ARHGAP15: variants seen among roughly 807,000 people sequenced by gnomAD.
ARHGAP15 encodes the protein rho GTPase-activating protein 15.
Under a neutral mutation model 63.7 loss-of-function variants are expected in ARHGAP15, and 51 were observed. The ratio of observed to expected loss-of-function variants is 0.80; its 90% CI spans 0.64 to 1.01. The LOEUF is 1.01. ARHGAP15 is among the 50% of genes least tolerant of loss of function. The pLI, the probability that ARHGAP15 is intolerant of heterozygous loss-of-function variation, is 0.00. For synonymous variants in ARHGAP15, 191 were observed against 193.8 expected (o/e 0.99, Z 0.12); for missense variants, 560 against 564.6 (o/e 0.99, Z 0.08).
intron 6 of ARHGAP15, among the ~76,000 whole-genome samples, chr2:143,327,922 C>A (rs10460253): frequency 7.7e-6 from 1 of 129,324 alleles, no homozygotes. Context: ...AAAAAAAAAT[C>A]CAAAAAGTGA....
In ARHGAP15 at chr2:143,265,476, CAT is replaced by C. The variant is rs576770695; in HGVS notation, c.474+14879_474+14880del. On this transcript the variant is annotated intron_variant, in intron 6 of 13. Transcript: ENST00000295095. The stretch of plus-strand genomic sequence containing the variant: ...AATTACCTGAGAAAATTGTATTTGA[CAT>C]ATTTTTATTGCAAATGGTATTTTGC... 3.9e-5 allele frequency among the ~76,000 whole-genome samples: 6 copies of C among 152,190 alleles called. No individual in the cohort carries two copies. The South Asian group carries it at 1.0e-3, about 26-fold the overall frequency.
intron 9 of ARHGAP15, among the ~76,000 whole-genome samples, chr2:143,502,569 TTTGTTG>T (rs565245923): frequency 3.3e-5 from 5 of 150,438 alleles, no homozygotes; most frequent in Admixed American, 1.3e-4. Context: ...TGTGGATCGT[TTTGTTG>T]TTGTTGTTGT....
At chr2:143,703,886 C>G (rs1684204798) in intron 13 of ARHGAP15, 1 of 164,538 alleles carries the variant, frequency 6.1e-6, no homozygotes, top group Non-Finnish European at 1.3e-5. Context: ...CACCATGTAC[C>G]ACGTGCTGGG....
rs987474248 is a variant in ARHGAP15, at chr2:143,444,680, A to G, written c.703+7638A>G. The stretch of plus-strand genomic sequence containing the variant: ...ATAGGCCTAATAACATGCTTGGGGG[A>G]AAAAAAAAATCCGTTGTTAACACAT... On this transcript the variant is annotated intron_variant, in intron 8 of 13. Transcript: ENST00000295095. Among the ~76,000 whole-genome samples, 9 of 148,926 alleles carry G rather than the reference A, an allele frequency of 6.0e-5. No individual in the cohort carries two copies. The South Asian group carries it at 8.5e-4, about 14-fold the overall frequency.
At chr2:143,191,650 A>G (rs954108660) in intron 2 of ARHGAP15, among the ~76,000 whole-genome samples, 1 of 152,214 alleles carries the variant, frequency 6.6e-6, no homozygotes, top group Non-Finnish European at 1.5e-5. Context: ...GAGAGAAATG[A>G]TTTATCAGGG....
intron 9 of ARHGAP15, among the ~76,000 whole-genome samples, chr2:143,493,014 C>T (rs561693271): frequency 6.6e-5 from 10 of 151,926 alleles, no homozygotes; most frequent in Non-Finnish European, 1.5e-4. Context: ...GCCGAGAATA[C>T]GCCACTGCAC....
At chr2:143,621,423 A>G (rs758913470) in intron 11 of ARHGAP15, among the ~76,000 whole-genome samples, 2 of 152,220 alleles carry the variant, frequency 1.3e-5, no homozygotes, top group Non-Finnish European at 2.9e-5. Flanking sequence ...GAGAAGGCAT[A>G]CTATATGGAC....
At chr2:143,745,073 T>G (rs1393891276) in intron 13 of ARHGAP15, among the ~76,000 whole-genome samples, 1 of 152,190 alleles carries the variant, frequency 6.6e-6, no homozygotes, top group Non-Finnish European at 1.5e-5. Context: ...CTCTATTCCT[T>G]TAAATTTTCC....
chr2:143,755,479 A>G (rs1268580054), intron 13 of ARHGAP15, among the ~76,000 whole-genome samples: 1 of 152,176 alleles, frequency 6.6e-6, no homozygotes, highest in East Asian at 1.9e-4. Context: ...CAATTCCAGT[A>G]ACTGGATTAC....
chr2:143,356,408 C>T (rs770730375), intron 6 of ARHGAP15, among the ~76,000 whole-genome samples: 10 of 152,116 alleles, frequency 6.6e-5, no homozygotes, highest in Non-Finnish European at 1.3e-4. Flanking sequence ...AGGCACCACC[C>T]CCCTTCCCCC....
chr2:143,608,270 C>G (rs1330569875), intron 11 of ARHGAP15: 3 of 152,122 alleles, frequency 2.0e-5, no homozygotes, highest in Admixed American at 2.0e-4. Flanking sequence ...GATTTTGTTG[C>G]TGTTGTTATT....
In ARHGAP15 at chr2:143,183,840, G is replaced by A. The variant is rs78590080; in HGVS notation, c.166-18294G>A. On this transcript the variant is annotated intron_variant, in intron 2 of 13. Coordinates refer to ENST00000295095, the MANE Select transcript of ARHGAP15 (RefSeq NM_018460.4). ...CTGAAGTTTAAAGTTGGAACCTCAT[G>A]AAAAGACAGTCTTTATAAATGATCA... is the stretch of plus-strand genomic sequence containing the variant. 2.8e-4 allele frequency among the ~76,000 whole-genome samples: 42 copies of A among 151,972 alleles called. No homozygotes were observed. In the East Asian group the frequency reaches 6.8e-3, roughly 24 times the overall value.
intron 13 of ARHGAP15, among the ~76,000 whole-genome samples, chr2:143,760,850 G>A (rs561947626): frequency 2.0e-5 from 3 of 152,218 alleles, no homozygotes; most frequent in African/African-American, 7.2e-5. Flanking sequence ...ATGACATGAT[G>A]TTTAGATATA....
chr2:143,322,145 G>A (rs536761448), intron 6 of ARHGAP15, among the ~76,000 whole-genome samples: 2 of 152,080 alleles, frequency 1.3e-5, no homozygotes, highest in South Asian at 2.1e-4. Flanking sequence ...CAATGAGGCC[G>A]CTCAACCACT....
intron 8 of ARHGAP15, among the ~76,000 whole-genome samples, chr2:143,446,723 A>C (rs1260106175): frequency 4.0e-5 from 6 of 150,446 alleles, no homozygotes; most frequent in Admixed American, 1.3e-4. Context: ...GGTGCGCTGC[A>C]CCCCTTAACT....
chr2:143,641,842 G>T (rs1680615601), intron 12 of ARHGAP15, among the ~76,000 whole-genome samples: 1 of 152,058 alleles, frequency 6.6e-6, no homozygotes, highest in South Asian at 2.1e-4. Flanking sequence ...TGTACTGACA[G>T]TTATATATCT....
chr2:143,477,198 A>G (rs1395946351), intron 8 of ARHGAP15, among the ~76,000 whole-genome samples: 1 of 150,364 alleles, frequency 6.7e-6, no homozygotes, highest in East Asian at 1.9e-4. Flanking sequence ...TCGCACACAC[A>G]CACACACACT....
chr2:143,672,364 T>C (rs1682570531), intron 12 of ARHGAP15, among the ~76,000 whole-genome samples: 1 of 152,172 alleles, frequency 6.6e-6, no homozygotes, highest in African/African-American at 2.4e-5. Context: ...AAGTGGCTCA[T>C]TGTTAGAATA....
chr2:143,232,384 G>T (rs184366793), intron 5 of ARHGAP15, among the ~76,000 whole-genome samples: 1 of 152,222 alleles, frequency 6.6e-6, no homozygotes, highest in African/African-American at 2.4e-5. Context: ...GGTGGATCGG[G>T]ACTGGCTGGT....
Sources: allele counts gnomAD v4.1 joint callset (sites outside exome capture counted in the v4.1 genomes callset), GRCh38; gene constraint gnomAD v4.1.1; transcripts MANE v1.5; gene names NCBI Gene and HGNC (gene_info 2026-07-23, HGNC 2026-07-21).